The following RYR2 variants were observed in gnomAD, a reference collection of about 807,000 sequenced individuals.
The protein encoded by RYR2 is ryanodine receptor 2.
Under a neutral mutation model 601.1 loss-of-function variants are expected in RYR2, and 227 were observed. The ratio of observed to expected loss-of-function variants is 0.38; its 90% CI spans 0.34 to 0.42. RYR2 has a LOEUF of 0.42. RYR2 is among the 10% of genes least tolerant of loss of function. The pLI is 1.00. For synonymous variants in RYR2, 2,223 were observed against 2,175.1 expected (o/e 1.02, Z -0.61); for missense variants, 4,646 against 6,156.5 (o/e 0.75, Z 8.21).
At chr1:237,702,311 GTGTT>G (rs1688034202) in intron 66 of RYR2, among the ~76,000 whole-genome samples, 1 of 152,162 alleles carries the variant, frequency 6.6e-6, no homozygotes, top group Admixed American at 6.5e-5. Context: ...TTTCAGCTGA[GTGTT>G]TGAGTCTTAT....
At chr1:237,224,392 A>G (rs1027715597) in intron 1 of RYR2, among the ~76,000 whole-genome samples, 2 of 152,220 alleles carry the variant, frequency 1.3e-5, no homozygotes, top group African/African-American at 2.4e-5. Context: ...AAGGTTTTGA[A>G]AAGTCAAAAG....
intron 101 of RYR2, among the ~76,000 whole-genome samples, chr1:237,824,175 T>C (rs1662836271): frequency 6.6e-6 from 1 of 152,136 alleles, no homozygotes; most frequent in Non-Finnish European, 1.5e-5. Flanking sequence ...TAACTCATAT[T>C]ATGAGGCCAG....
chr1:237,572,838 T>G (rs1488272071), intron 29 of RYR2, among the ~76,000 whole-genome samples: 1 of 152,162 alleles, frequency 6.6e-6, no homozygotes, highest in African/African-American at 2.4e-5. Flanking sequence ...TTTTTGGTAC[T>G]GGAATATCTC....
At chr1:237,536,780 G>A (rs1344694384) in intron 25 of RYR2, among the ~76,000 whole-genome samples, 1 of 148,710 alleles carries the variant, frequency 6.7e-6, no homozygotes, top group Admixed American at 6.7e-5. Context: ...CAGCTACTAG[G>A]GAGGCTGAGG....
chr1:237,067,188 G>C lies in RYR2; in HGVS notation c.48+24619G>C, dbSNP rs1337105249. 1.0e-4 allele frequency among the ~76,000 whole-genome samples: 6 copies of C among 59,492 alleles called. No individual in the cohort carries two copies. In the South Asian group the frequency reaches 3.1e-3, roughly 31 times the overall value. 39.0% of individuals were successfully genotyped at this position (59,492 alleles called of 152,430 possible). Reference sequence around the variant, plus strand: ...TATTGGTATTTTTCTTTTATGGATTGTGCTTTTTTTTGCCCCATGCCTAAG... The same window carrying C: ...TATTGGTATTTTTCTTTTATGGATTCTGCTTTTTTTTGCCCCATGCCTAAG... On this transcript the variant is annotated intron_variant, in intron 1 of 104. Coordinates refer to ENST00000366574, the MANE Select transcript of RYR2 (RefSeq NM_001035.3).
chr1:237,536,835 G>A (rs1294658220), intron 25 of RYR2, among the ~76,000 whole-genome samples: 3 of 151,094 alleles, frequency 2.0e-5, no homozygotes, highest in South Asian at 2.1e-4. Flanking sequence ...GCAGTGAGCC[G>A]AGATCGCGCC....
chr1:237,123,665 T>A (rs996901347), intron 1 of RYR2, among the ~76,000 whole-genome samples: 2 of 138,904 alleles, frequency 1.4e-5, no homozygotes, highest in African/African-American at 5.4e-5. Flanking sequence ...TTTTTTTTTT[T>A]TTTTTTTTTT....
chr1:237,736,516 C>T (rs1460496332), intron 79 of RYR2, among the ~76,000 whole-genome samples: 1 of 151,388 alleles, frequency 6.6e-6, no homozygotes, highest in Admixed American at 6.6e-5. Context: ...GAAGGGAAGG[C>T]TGCCAGGATA....
At chr1:237,684,550 A>G (rs905718949) in intron 62 of RYR2, among the ~76,000 whole-genome samples, 5 of 152,106 alleles carry the variant, frequency 3.3e-5, no homozygotes, top group African/African-American at 1.2e-4. Context: ...TGAAATTTCA[A>G]CTCTGGGTAG....
chr1:237,702,670 A>G (rs541381411), intron 66 of RYR2, among the ~76,000 whole-genome samples: 2 of 152,202 alleles, frequency 1.3e-5, no homozygotes, highest in South Asian at 4.1e-4. Context: ...TTACAGTACA[A>G]TTTCAGTACA....
intron 10 of RYR2, among the ~76,000 whole-genome samples, chr1:237,392,122 C>A (rs2149873413): frequency 6.6e-6 from 1 of 152,178 alleles, no homozygotes; most frequent in South Asian, 2.1e-4. Flanking sequence ...AGTGTCGTAA[C>A]TTTTTAGTTC....
intron 93 of RYR2, chr1:237,791,876 TGGAATCCTCAGA>T (rs1291457365): frequency 1.0e-5 from 6 of 586,314 alleles, no homozygotes. Context: ...TAGCATGCAT[TGGAATCCTCAGA>T]ATTTTTGGTT....
chr1:237,558,978 G>A (rs1671183062), intron 27 of RYR2, among the ~76,000 whole-genome samples: 1 of 150,094 alleles, frequency 6.7e-6, no homozygotes, highest in South Asian at 2.1e-4. Context: ...TCACTATTTG[G>A]TGAAGCATCA....
intron 42 of RYR2, among the ~76,000 whole-genome samples, chr1:237,631,970 C>T (rs970303847): frequency 2.6e-5 from 4 of 152,068 alleles, no homozygotes; most frequent in Admixed American, 6.6e-5. Flanking sequence ...CTTAAATCCT[C>T]TTAGGATGAC....
intron 1 of RYR2, among the ~76,000 whole-genome samples, chr1:237,129,161 A>G (rs1671868570): frequency 6.6e-6 from 1 of 152,200 alleles, no homozygotes; most frequent in South Asian, 2.1e-4. Flanking sequence ...CATCTGGATT[A>G]CTGCAGTGCA....
intron 29 of RYR2, among the ~76,000 whole-genome samples, chr1:237,579,516 A>C (rs936746776): frequency 5.9e-5 from 9 of 152,010 alleles, no homozygotes; most frequent in African/African-American, 1.9e-4. Flanking sequence ...CGGCCTCCCA[A>C]AGTGCTGGGA....
At chr1:237,056,053 CTG>C (rs1322309790) in intron 1 of RYR2, among the ~76,000 whole-genome samples, 1 of 145,276 alleles carries the variant, frequency 6.9e-6, no homozygotes, top group African/African-American at 2.6e-5. Flanking sequence ...GGACTAAAGA[CTG>C]TACCTGTGAG....
In RYR2 at chr1:237,180,638, A is replaced by ATG. The variant is rs1290223797; in HGVS notation, c.49-89857_49-89856dup. Among the ~76,000 whole-genome samples, 2 of 89,750 alleles carry ATG rather than the reference A, an allele frequency of 2.2e-5. No homozygotes were observed. The highest frequency in any genetic ancestry group is 7.0e-4 in the South Asian group (2 of 2,838). 58.9% of individuals were successfully genotyped at this position (89,750 alleles called of 152,430 possible). On this transcript the variant is annotated intron_variant, in intron 1 of 104. Coordinates refer to ENST00000366574, the MANE Select transcript of RYR2 (RefSeq NM_001035.3). The surrounding 1 kb of genome is among the most constrained non-coding windows in gnomAD (Gnocchi z 5.3). ...TATGTATATATGTATATGTGTATATATGTATATGTATATGTGTATATATGT... is the reference window on the plus strand; with the variant it reads ...TATGTATATATGTATATGTGTATATATGTGTATATGTATATGTGTATATATGT...
chr1:237,673,786 G>C lies in RYR2; in HGVS notation c.8591-310G>C, dbSNP rs180799320. 2.8e-3 allele frequency among the ~76,000 whole-genome samples: 424 copies of C among 152,252 alleles called. 3 individuals carry two copies. The highest frequency in any genetic ancestry group is 9.8e-3 in the African/African-American group (407 of 41,544). ...TACTCTCCACATTCAGAATTGCTTT[G>C]AACGCAGAAGAGAATACAGCTGCTT... On this transcript the variant is annotated intron_variant, in intron 58 of 104. Transcript: ENST00000366574.
Sources: allele counts gnomAD v4.1 joint callset (sites outside exome capture counted in the v4.1 genomes callset), GRCh38; gene constraint gnomAD v4.1.1; non-coding constraint Gnocchi (gnomAD v3.1); transcripts MANE v1.5; gene names NCBI Gene and HGNC (gene_info 2026-07-23, HGNC 2026-07-21).